The following PTPRD variants were observed in gnomAD, a reference collection of about 807,000 sequenced individuals.
PTPRD encodes protein tyrosine phosphatase receptor type D, also known as receptor-type tyrosine-protein phosphatase delta.
PTPRD carries 34 observed loss-of-function variants against 214.5 expected under a neutral mutation model. The observed-to-expected ratio is 0.16, with a 90% CI of 0.12 to 0.21. The LOEUF is 0.21. Among genes scored for constraint, PTPRD ranks in the 10% least tolerant of loss-of-function variants. The probability of loss-of-function intolerance (pLI) is 1.00; values close to 1 mark genes in which losing one functional copy is unlikely to be tolerated. For synonymous variants in PTPRD, 1,128 were observed against 845.7 expected, an observed-to-expected ratio of 1.33 and a Z score of -5.79; for missense variants, 2,545 against 2,398.7, an observed-to-expected ratio of 1.06 and a Z score of -1.27.
chr9:10,135,780 T>A (rs73641860), intron 3 of PTPRD, among the ~76,000 whole-genome samples: 168 of 151,778 alleles, frequency 1.1e-3, no homozygotes, highest in African/African-American at 3.8e-3. Flanking sequence ...AAAACACACT[T>A]AAGTACATTT....
At chr9:8,667,798 A>G (rs2097199047) in intron 12 of PTPRD, among the ~76,000 whole-genome samples, 1 of 152,036 alleles carries the variant, frequency 6.6e-6, no homozygotes, top group African/African-American at 2.4e-5. Flanking sequence ...AATCTGAAAC[A>G]CTTTTGGTCC....
chr9:9,606,818 T>A (rs2094185448), intron 7 of PTPRD, among the ~76,000 whole-genome samples: 1 of 151,480 alleles, frequency 6.6e-6, no homozygotes, highest in Non-Finnish European at 1.5e-5. Context: ...CAATAAATGA[T>A]CATCAAGCAC....
At chr9:8,958,568 C>T (rs2099143473) in intron 11 of PTPRD, among the ~76,000 whole-genome samples, 1 of 151,862 alleles carries the variant, frequency 6.6e-6, no homozygotes, top group Non-Finnish European at 1.5e-5. Flanking sequence ...ATGATTGACT[C>T]AGAAACCAAG....
At chr9:8,343,791 A>C (rs887732089) in intron 39 of PTPRD, among the ~76,000 whole-genome samples, 3 of 152,106 alleles carry the variant, frequency 2.0e-5, no homozygotes, top group Non-Finnish European at 4.4e-5. Flanking sequence ...AGTGCTCAAC[A>C]GTGTTTGTGA....
At chr9:10,581,674 A>G (rs2071865024) in intron 2 of PTPRD, among the ~76,000 whole-genome samples, 1 of 152,150 alleles carries the variant, frequency 6.6e-6, no homozygotes, top group African/African-American at 2.4e-5. Context: ...GGAATAAGAC[A>G]ACTCGCTTGC....
At chr9:9,335,768 TTTACAAATGAGGA>T (rs1354452726) in intron 9 of PTPRD, among the ~76,000 whole-genome samples, 1 of 152,090 alleles carries the variant, frequency 6.6e-6, no homozygotes, top group Non-Finnish European at 1.5e-5. Context: ...AATCCTCTCT[TTTACAAATGAGGA>T]CCCAGAAACT....
chr9:8,504,347 C>G lies in PTPRD; in HGVS notation c.1736G>C (p.Ser579Thr), dbSNP rs758284103. The G allele has an allele frequency of 6.8e-6, 11 of 1,613,990 alleles. No individual in the cohort carries two copies. Among genetic ancestry groups the G allele is most frequent in the Non-Finnish European group, 9.3e-6 (11 of 1,179,984 alleles). Residue 579 changes from serine (S) to threonine (T), a missense_variant, in exon 23 of 46, where the codon AGC (serine) becomes ACC (threonine). Ser to Thr is a moderately conservative substitution (Grantham distance 58, BLOSUM62 1). Transcript: ENST00000381196. ...SYRLQGLKPN[S>T]LYYFRLAARS... ...TGCAGCCAGACGGAAATAGTATAAGCTGTTTGGTTTCAGTCCTTGCAGCCT... is the reference window on the plus strand; with the variant it reads ...TGCAGCCAGACGGAAATAGTATAAGGTGTTTGGTTTCAGTCCTTGCAGCCT...
intron 4 of PTPRD, among the ~76,000 whole-genome samples, chr9:9,947,512 AATAT>A (rs1235544921): frequency 5.7e-5 from 2 of 35,224 alleles, no homozygotes; most frequent in Non-Finnish European, 9.1e-5. Context: ...TTATATATAT[AATAT>A]ATATATTATA....
chr9:9,557,990 G>T (rs2081956328), intron 8 of PTPRD, among the ~76,000 whole-genome samples: 1 of 152,188 alleles, frequency 6.6e-6, no homozygotes, highest in South Asian at 2.1e-4. Flanking sequence ...CCAGCAGCCT[G>T]CATGCACAGC....
chr9:8,488,364 T>C (rs1245102533), intron 27 of PTPRD, among the ~76,000 whole-genome samples: 1 of 152,258 alleles, frequency 6.6e-6, no homozygotes, highest in Non-Finnish European at 1.5e-5. Context: ...CTACAATGTA[T>C]GAAAACAATA....
intron 3 of PTPRD, among the ~76,000 whole-genome samples, chr9:10,175,643 T>C (rs369032208): frequency 1.3e-5 from 2 of 152,158 alleles, no homozygotes; most frequent in East Asian, 3.9e-4. Flanking sequence ...GTGGTACAGA[T>C]TGTTATATTT....
chr9:10,038,451 C>A (rs1468466346), intron 3 of PTPRD, among the ~76,000 whole-genome samples: 1 of 152,090 alleles, frequency 6.6e-6, no homozygotes, highest in Non-Finnish European at 1.5e-5. Context: ...TGTTCTCTAT[C>A]TCAGTGAACA....
At chr9:10,185,857 TA>T (rs1238549517) in intron 3 of PTPRD, among the ~76,000 whole-genome samples, 1 of 152,002 alleles carries the variant, frequency 6.6e-6, no homozygotes, top group African/African-American at 2.4e-5. Context: ...GAGTAGATAA[TA>T]AAACCTGCCA....
chr9:8,557,074 A>G (rs1392794419), intron 14 of PTPRD, among the ~76,000 whole-genome samples: 1 of 152,172 alleles, frequency 6.6e-6, no homozygotes, highest in Non-Finnish European at 1.5e-5. Flanking sequence ...AAGGAGGACC[A>G]GTGAGAGGAA....
intron 10 of PTPRD, among the ~76,000 whole-genome samples, chr9:9,080,053 C>G (rs1569532549): frequency 6.6e-6 from 1 of 152,026 alleles, no homozygotes; most frequent in Non-Finnish European, 1.5e-5. Context: ...ATGTAGAATT[C>G]TGGGTTTAAT....
chr9:9,872,790 T>C (rs1217944893), intron 5 of PTPRD, among the ~76,000 whole-genome samples: 1 of 152,088 alleles, frequency 6.6e-6, no homozygotes, highest in East Asian at 1.9e-4. Context: ...AGTAATTGAG[T>C]ATGTTCCCAA....
At chr9:8,973,718 C>A (rs184296334) in intron 11 of PTPRD, among the ~76,000 whole-genome samples, 2 of 152,186 alleles carry the variant, frequency 1.3e-5, no homozygotes, top group Non-Finnish European at 2.9e-5. Flanking sequence ...TGTAGCCTCT[C>A]CAGCATTTGC....
intron 5 of PTPRD, among the ~76,000 whole-genome samples, chr9:9,787,927 G>A (rs1254226639): frequency 6.6e-6 from 1 of 151,518 alleles, no homozygotes; most frequent in Admixed American, 6.6e-5. Flanking sequence ...GACTACAGGC[G>A]CCTGCCACCA....
chr9:10,060,734 T>C (rs567840174), intron 3 of PTPRD, among the ~76,000 whole-genome samples: 1 of 152,012 alleles, frequency 6.6e-6, no homozygotes, highest in African/African-American at 2.4e-5. Context: ...GAAAGTTCAG[T>C]TTCTATTTTC....
Sources: allele counts gnomAD v4.1 joint callset (sites outside exome capture counted in the v4.1 genomes callset), GRCh38; gene constraint gnomAD v4.1.1; transcripts MANE v1.5; gene names NCBI Gene and HGNC (gene_info 2026-07-23, HGNC 2026-07-21).